PPIP5K2: variants seen among roughly 807,000 people sequenced by gnomAD.
PPIP5K2 encodes the protein diphosphoinositol pentakisphosphate kinase 2, also known as inositol hexakisphosphate and diphosphoinositol-pentakisphosphate kinase 2.
A neutral mutation model predicts 154.6 loss-of-function variants in PPIP5K2; 105 were observed. The observed-to-expected ratio is 0.68, with a 90% CI of 0.58 to 0.80. The LOEUF (loss-of-function observed/expected upper bound fraction) is 0.80. Among genes scored for constraint, PPIP5K2 ranks in the 30% least tolerant of loss-of-function variants. The pLI is 0.00. For synonymous variants in PPIP5K2, 480 were observed against 490.3 expected (o/e 0.98, Z 0.28); for missense variants, 992 against 1,504.6 (o/e 0.66, Z 5.64).
chr5:103,153,796 C>G, intron 10 of PPIP5K2, 52 bp from the exon 11 acceptor site: 1 of 1,290,612 alleles, frequency 7.7e-7, no homozygotes, highest in Non-Finnish European at 1.1e-6. Context: ...CTGAATTATA[C>G]AACACAAATC....
intron 17 of PPIP5K2, among the ~76,000 whole-genome samples, chr5:103,165,978 C>A (rs1313366541): frequency 6.6e-6 from 1 of 152,050 alleles, no homozygotes; most frequent in Non-Finnish European, 1.5e-5. Context: ...AGTAGCAGAG[C>A]TTTCAATGGA....
chr5:103,166,815 T>G (rs941622715), intron 17 of PPIP5K2, among the ~76,000 whole-genome samples: 1 of 151,948 alleles, frequency 6.6e-6, no homozygotes, highest in Non-Finnish European at 1.5e-5. Flanking sequence ...ATATTTACTA[T>G]GCCTTAAGGG....
Position 103,212,494 on chromosome 5 carries a change from A to G in PPIP5K2, c.*10860A>G, listed in dbSNP as rs984056193. On this transcript the variant is annotated 3_prime_UTR_variant, in exon 31 of 31. Coordinates refer to ENST00000358359, the MANE Select transcript of PPIP5K2 (RefSeq NM_001276277.3). ...TTTTAAAAGCAAAGTTAGGCATTCAATGATGACTTCATAAATGTGCCTGGG... is the reference window on the plus strand; with the variant it reads ...TTTTAAAAGCAAAGTTAGGCATTCAGTGATGACTTCATAAATGTGCCTGGG... 3.3e-5 allele frequency: 5 copies of G among 152,148 alleles called. No homozygotes were observed. The highest frequency in any genetic ancestry group is 7.2e-5 in the African/African-American group (3 of 41,448). The allele number at this position is 152,148 out of a possible 1,614,324, so 9.4% of individuals were successfully genotyped here.
Position 103,205,535 on chromosome 5 carries a change from G to T in PPIP5K2, c.*3901G>T, listed in dbSNP as rs918166153. The stretch of plus-strand genomic sequence containing the variant: ...TTCAATGATCGCCATTCTAACTGGC[G>T]TGAGATGGTATCTCATTTGTAAGAT... On this transcript the variant is annotated 3_prime_UTR_variant, in exon 31 of 31. Transcript: ENST00000358359. 6.6e-6 allele frequency: 1 copy of T among 152,148 alleles called. No homozygotes were observed. The allele number at this position is 152,148 out of a possible 1,614,324, so 9.4% of individuals were successfully genotyped here.
intron 5 of PPIP5K2, among the ~76,000 whole-genome samples, chr5:103,140,380 T>G (rs1169568576): frequency 1.3e-5 from 2 of 152,072 alleles, no homozygotes; most frequent in Admixed American, 6.5e-5. Flanking sequence ...AGGTCAAGGA[T>G]AAACAAAGAT....
chr5:103,125,563 A>G (rs571575957), intron 1 of PPIP5K2, among the ~76,000 whole-genome samples: 18 of 152,146 alleles, frequency 1.2e-4, no homozygotes, highest in African/African-American at 1.7e-4. Flanking sequence ...TAGAGGTCCA[A>G]TTCCTCTGTC....
intron 17 of PPIP5K2, among the ~76,000 whole-genome samples, chr5:103,164,698 G>A (rs1796871386): frequency 6.6e-6 from 1 of 151,892 alleles, no homozygotes; most frequent in Admixed American, 6.6e-5. Flanking sequence ...TCTTTGCCCA[G>A]AATTTTTACT....
chr5:103,142,072 C>T (rs995043318), intron 5 of PPIP5K2, among the ~76,000 whole-genome samples: 7 of 152,248 alleles, frequency 4.6e-5, no homozygotes, highest in Non-Finnish European at 7.4e-5. Context: ...GACTGGGCGC[C>T]GTGGAGCAGG....
intron 3 of PPIP5K2, chr5:103,135,910 T>C (rs1238459449): frequency 6.6e-6 from 1 of 152,046 alleles, no homozygotes; most frequent in Non-Finnish European, 1.5e-5. Flanking sequence ...AATAGCATGA[T>C]TCTGCTCATA....
intron 30 of PPIP5K2, among the ~76,000 whole-genome samples, chr5:103,197,326 A>G (rs1033787774): frequency 2.0e-5 from 3 of 151,768 alleles, no homozygotes; most frequent in African/African-American, 4.8e-5. Flanking sequence ...CCTTTTTGTG[A>G]TACTTTTGGT....
intron 5 of PPIP5K2, among the ~76,000 whole-genome samples, chr5:103,140,824 G>A (rs1474976034): frequency 6.8e-5 from 9 of 132,446 alleles, no homozygotes; most frequent in East Asian, 2.2e-4. Context: ...GCGACAGAAC[G>A]AGACTCCGTC....
intron 5 of PPIP5K2, among the ~76,000 whole-genome samples, chr5:103,145,361 A>G (rs777863300): frequency 1.2e-4 from 19 of 152,156 alleles, no homozygotes; most frequent in Non-Finnish European, 2.5e-4. Context: ...AACTAAAAAT[A>G]GAGCTACCAT....
Position 103,203,316 on chromosome 5 carries a change from A to G in PPIP5K2, c.*1682A>G, listed in dbSNP as rs1317722960. The G allele has an allele frequency of 6.6e-6, 1 of 152,212 alleles. No homozygotes were observed. Among genetic ancestry groups the G allele is most frequent in the Non-Finnish European group, 1.5e-5 (1 of 68,016 alleles). The allele number at this position is 152,212 out of a possible 1,614,324, so 9.4% of individuals were successfully genotyped here. On this transcript the variant is annotated 3_prime_UTR_variant, in exon 31 of 31. Coordinates refer to ENST00000358359, the MANE Select transcript of PPIP5K2 (RefSeq NM_001276277.3). ...ATTAACTAGTACTTACATATTAAAT[A>G]AAATTTATTATTGGCTATATACATA...
Position 103,210,868 on chromosome 5 carries a change from G to T in PPIP5K2, c.*9234G>T, listed in dbSNP as rs1182531011. ...TTAGTTCTGGATTTTGTTTGATATTGTGAATGCAAACTATTTTTTTGTGTT... is the reference window on the plus strand; with the variant it reads ...TTAGTTCTGGATTTTGTTTGATATTTTGAATGCAAACTATTTTTTTGTGTT... On this transcript the variant is annotated 3_prime_UTR_variant, in exon 31 of 31. Transcript: ENST00000358359. The T allele has an allele frequency of 2.0e-5, 3 of 152,064 alleles. No individual in the cohort carries two copies. The highest frequency in any genetic ancestry group is 2.9e-5 in the Non-Finnish European group (2 of 67,978). 9.4% of individuals were successfully genotyped at this position (152,064 alleles called of 1,614,324 possible).
chr5:103,156,898 CAT>C (rs1470815044), intron 14 of PPIP5K2, among the ~76,000 whole-genome samples: 3 of 152,058 alleles, frequency 2.0e-5, no homozygotes, highest in Non-Finnish European at 4.4e-5. Context: ...AATGCAGACA[CAT>C]ATTTATAATA....
rs184609869 is a variant in PPIP5K2, at chr5:103,142,505, A to G, written c.488-4022A>G. Among the ~76,000 whole-genome samples, 1,028 of 152,352 alleles carry G rather than the reference A, an allele frequency of 6.7e-3. 7 individuals are homozygous for G. The highest frequency in any genetic ancestry group is 0.013 in the Non-Finnish European group (855 of 68,026). ...CTCCCACAGTGCAGCGGCGGGACGA[A>G]GGGCTCCTCAAGCGCCGCCAAAGTG... is the stretch of plus-strand genomic sequence containing the variant. On this transcript the variant is annotated intron_variant, in intron 5 of 30. Transcript: ENST00000358359.
Position 103,210,283 on chromosome 5 carries a change from G to A in PPIP5K2, c.*8649G>A, listed in dbSNP as rs1306223536. The A allele has an allele frequency of 6.6e-6, 1 of 152,186 alleles. No homozygotes were observed. The highest frequency in any genetic ancestry group is 2.4e-5 in the African/African-American group (1 of 41,462). The allele number at this position is 152,186 out of a possible 1,614,324, so 9.4% of individuals were successfully genotyped here. On this transcript the variant is annotated 3_prime_UTR_variant, in exon 31 of 31. Transcript: ENST00000358359. ...ATGTCTAGTTTGGAATCATGTGGCT[G>A]AAAATCTTACCATATGCTTTCCACA...
chr5:103,191,155 CT>C, intron 29 of PPIP5K2, 173 bp downstream of exon 29: 28 of 453,778 alleles, frequency 6.2e-5, no homozygotes, highest in Non-Finnish European at 8.7e-5. Context: ...AACTGTACCT[CT>C]TTTTTTTACT....
At chr5:103,155,406 CTTTTTTTTTTTTTTT>C (rs70990423) in intron 13 of PPIP5K2, among the ~76,000 whole-genome samples, 200 of 21,070 alleles carry the variant, frequency 9.5e-3, no homozygotes, top group Non-Finnish European at 0.02. Context: ...TCAGAGTTGT[CTTTTTTTTTTTTTTT>C]TTTTTTTTTT....
Sources: allele counts gnomAD v4.1 joint callset (sites outside exome capture counted in the v4.1 genomes callset), GRCh38; gene constraint gnomAD v4.1.1; transcripts MANE v1.5; gene names NCBI Gene and HGNC (gene_info 2026-07-23, HGNC 2026-07-21).